ALG5: variants seen among roughly 807,000 people sequenced by gnomAD.
ALG5 encodes the protein ALG5 dolichyl-phosphate beta-glucosyltransferase.
Under a neutral mutation model 51.8 loss-of-function variants are expected in ALG5, and 26 were observed. That is an observed-to-expected ratio of 0.50 (90% CI 0.37 to 0.70). ALG5 has a LOEUF of 0.70. ALG5 is among the 30% of genes least tolerant of loss of function. The pLI is 0.00. For synonymous variants in ALG5, 141 were observed against 136.1 expected (o/e 1.04, Z -0.25); for missense variants, 311 against 399.3 (o/e 0.78, Z 1.88).
At chr13:36,994,720 A>G (rs1033941165) in intron 3 of ALG5, among the ~76,000 whole-genome samples, 2 of 151,984 alleles carry the variant, frequency 1.3e-5, no homozygotes, top group South Asian at 2.1e-4. Context: ...AATTTTAAAT[A>G]TATCATCAAG....
intron 6 of ALG5, among the ~76,000 whole-genome samples, chr13:36,973,370 C>T (rs932324576): frequency 1.3e-4 from 20 of 152,226 alleles, no homozygotes; most frequent in Non-Finnish European, 2.4e-4. Context: ...ATAAAGATGA[C>T]CTTTTAAATC....
At chr13:36,964,469 G>GAATGTCAGGGCT (rs1329247044) in intron 8 of ALG5, among the ~76,000 whole-genome samples, 5 of 152,184 alleles carry the variant, frequency 3.3e-5, no homozygotes, top group Non-Finnish European at 7.3e-5. Flanking sequence ...TGCATGTGGA[G>GAATGTCAGGGCT]AATGTCAGGG....
chr13:36,972,782 G>A (rs137876849), intron 6 of ALG5, among the ~76,000 whole-genome samples: 3 of 152,090 alleles, frequency 2.0e-5, no homozygotes, highest in African/African-American at 4.8e-5. Context: ...CACGAGGTCA[G>A]GAGATCGAGA....
At position 36,999,234 on chromosome 13, in the gene ALG5, C is replaced by T. The variant is rs374546822; in HGVS notation, c.66+1G>A. ...GCGCGGGTTCCCATCCCTGTTCTCA[C>T]CAGTACGAGGGCTGCGGCCGCCAGC... On this transcript the variant is annotated splice_donor_variant, in intron 1 of 9. Coordinates refer to ENST00000239891, the MANE Select transcript of ALG5 (RefSeq NM_013338.5). LOFTEE classifies it high-confidence loss of function. 9 of 1,577,260 alleles carry T rather than the reference C, an allele frequency of 5.7e-6. No homozygotes were observed. Among genetic ancestry groups the T allele is most frequent in the Non-Finnish European group, 7.7e-6 (9 of 1,164,528 alleles).
At chr13:36,966,512 A>T (rs2058894115) in intron 7 of ALG5, among the ~76,000 whole-genome samples, 1 of 152,212 alleles carries the variant, frequency 6.6e-6, no homozygotes, top group African/African-American at 2.4e-5. Context: ...AAAATAAAAT[A>T]ACAAAATTTT....
intron 3 of ALG5, among the ~76,000 whole-genome samples, chr13:36,994,324 AT>A (rs199937433): frequency 1.3e-5 from 2 of 151,780 alleles, no homozygotes; most frequent in Non-Finnish European, 2.9e-5. Context: ...AATCAAAACA[AT>A]TTTTTTTTAA....
chr13:36,991,337 A>T (rs1448423511), intron 4 of ALG5, among the ~76,000 whole-genome samples: 2 of 152,200 alleles, frequency 1.3e-5, no homozygotes, highest in Non-Finnish European at 2.9e-5. Context: ...TGTACTACTG[A>T]AGCATTTTCT....
intron 8 of ALG5, among the ~76,000 whole-genome samples, chr13:36,955,482 A>G (rs1009473152): frequency 2.0e-5 from 3 of 152,110 alleles, no homozygotes; most frequent in Non-Finnish European, 4.4e-5. Context: ...TTAAAAAGTT[A>G]ATACTGAAAA....
intron 7 of ALG5, among the ~76,000 whole-genome samples, chr13:36,969,628 G>A (rs141665081): frequency 6.6e-6 from 1 of 151,992 alleles, no homozygotes; most frequent in African/African-American, 2.4e-5. Context: ...TCTGCCTCCC[G>A]GGTTCACGTG....
intron 8 of ALG5, among the ~76,000 whole-genome samples, chr13:36,957,475 G>A (rs1246825798): frequency 2.0e-5 from 3 of 152,084 alleles, no homozygotes; most frequent in African/African-American, 2.4e-5. Flanking sequence ...CAAGGCTGCG[G>A]TAACCCAGGA....
chr13:36,988,688 G>A (rs919738743), intron 5 of ALG5, among the ~76,000 whole-genome samples: 1 of 151,840 alleles, frequency 6.6e-6, no homozygotes, highest in Non-Finnish European at 1.5e-5. Context: ...AGGGCAACAT[G>A]TGATGATTTG....
intron 1 of ALG5, 91 bp downstream of exon 1, chr13:36,999,144 T>C (rs2059070358): frequency 8.2e-7 from 1 of 1,224,762 alleles, no homozygotes; most frequent in Non-Finnish European, 1.1e-6. Flanking sequence ...CTCCGAGAAC[T>C]GGTAGCGCGG....
At chr13:36,985,059 T>C (rs2058996099) in intron 6 of ALG5, among the ~76,000 whole-genome samples, 1 of 151,780 alleles carries the variant, frequency 6.6e-6, no homozygotes, top group Non-Finnish European at 1.5e-5. Flanking sequence ...TCTTATTCAT[T>C]TTTTCCAGAT....
At chr13:36,991,176 C>T (rs1234617817) in intron 4 of ALG5, among the ~76,000 whole-genome samples, 2 of 152,172 alleles carry the variant, frequency 1.3e-5, no homozygotes, top group Non-Finnish European at 2.9e-5. Flanking sequence ...CGGTCTTACA[C>T]TTGTATGCCT....
intron 5 of ALG5, among the ~76,000 whole-genome samples, chr13:36,986,078 C>G (rs914871349): frequency 6.6e-6 from 1 of 152,048 alleles, no homozygotes; most frequent in East Asian, 1.9e-4. Flanking sequence ...ATATGTTTAT[C>G]GTGTCATGAT....
chr13:36,988,615 C>T (rs1408600173), intron 5 of ALG5, among the ~76,000 whole-genome samples: 1 of 152,218 alleles, frequency 6.6e-6, no homozygotes, highest in Non-Finnish European at 1.5e-5. Context: ...ACCTTCTTTA[C>T]TCACTTTCCT....
At chr13:36,990,187 C>T (rs867533900) in intron 4 of ALG5, among the ~76,000 whole-genome samples, 7 of 152,230 alleles carry the variant, frequency 4.6e-5, no homozygotes, top group African/African-American at 7.2e-5. Context: ...TCTCAAGCTA[C>T]GGCCATTACT....
At chr13:36,999,204 G>A in intron 1 of ALG5, 31 bp downstream of exon 1, 2 of 1,549,246 alleles carry the variant, frequency 1.3e-6, no homozygotes, top group Non-Finnish European at 1.7e-6. Flanking sequence ...GGTAAGCCCC[G>A]GCCTGCGCGG....
At chr13:36,982,862 A>G (rs7321774) in intron 6 of ALG5, among the ~76,000 whole-genome samples, 4,046 of 152,276 alleles carry the variant, frequency 0.027, 173 homozygotes, top group African/African-American at 0.092. Flanking sequence ...AAATTAATTC[A>G]ATTGAGCTGG....
Sources: allele counts gnomAD v4.1 joint callset (sites outside exome capture counted in the v4.1 genomes callset), GRCh38; gene constraint gnomAD v4.1.1; transcripts MANE v1.5; gene names NCBI Gene and HGNC (gene_info 2026-07-23, HGNC 2026-07-21).